NR2F1-AS1: variants seen among roughly 807,000 people sequenced by gnomAD.
NR2F1-AS1 encodes the protein NR2F1 regulatory antisense RNA 1, also known as NR2F1 antisense RNA 1.
upstream of NR2F1-AS1, chr5:93,583,259 T>C (rs1753156036): frequency 6.6e-6 from 1 of 150,486 alleles, no homozygotes; most frequent in Non-Finnish European, 1.5e-5. Flanking sequence ...TTTAAACGCA[T>C]TCAATTTTTG....
intron 4 of NR2F1-AS1, among the ~76,000 whole-genome samples, chr5:93,549,345 C>T (rs1463613739): frequency 6.6e-6 from 1 of 151,902 alleles, no homozygotes; most frequent in Non-Finnish European, 1.5e-5. Flanking sequence ...AGCAAGAAAA[C>T]AATTTTTAGC....
chr5:93,568,684 C>T (rs1752669967), intron 1 of NR2F1-AS1, among the ~76,000 whole-genome samples: 1 of 151,794 alleles, frequency 6.6e-6, no homozygotes, highest in Admixed American at 6.6e-5. Context: ...GTCTGAGGTC[C>T]GTGGCCATAT....
At chr5:93,424,207 T>C (rs1267038590) in intron 4 of NR2F1-AS1, among the ~76,000 whole-genome samples, 5 of 152,112 alleles carry the variant, frequency 3.3e-5, no homozygotes, top group African/African-American at 1.2e-4. Context: ...TACACACTGA[T>C]GACTTCAAAA....
At chr5:93,467,709 G>A (rs572432383) in intron 4 of NR2F1-AS1, among the ~76,000 whole-genome samples, 1 of 152,176 alleles carries the variant, frequency 6.6e-6, no homozygotes, top group South Asian at 2.1e-4. Context: ...TAAGTTCTAG[G>A]GTACATGTGT....
At chr5:93,463,055 A>G (rs772638246) in intron 4 of NR2F1-AS1, among the ~76,000 whole-genome samples, 1 of 152,194 alleles carries the variant, frequency 6.6e-6, no homozygotes, top group Admixed American at 6.5e-5. Flanking sequence ...TGCCAAGATA[A>G]TGGGGAAAAT....
chr5:93,553,807 G>A (rs1470183731), exon 4 of NR2F1-AS1: 4 of 152,128 alleles, frequency 2.6e-5, no homozygotes, highest in African/African-American at 9.7e-5. Context: ...GTTGACATAG[G>A]CTTCCTGATC....
At chr5:93,457,637 C>T (rs978146176) in intron 4 of NR2F1-AS1, among the ~76,000 whole-genome samples, 9 of 152,034 alleles carry the variant, frequency 5.9e-5, no homozygotes, top group Non-Finnish European at 1.2e-4. Flanking sequence ...CCTCGATGGT[C>T]GCTGTCTCTT....
In NR2F1-AS1 at chr5:93,452,157, A is replaced by G. The variant is rs141669127; in HGVS notation, n.639-56615T>C. Among the ~76,000 whole-genome samples the G allele has an allele frequency of 8.7e-3, 1,319 of 152,332 alleles. 33 individuals carry two copies. The highest frequency in any genetic ancestry group is 6.3e-3 in the Non-Finnish European group (427 of 68,038). ...AAATACTATAACTTTGTTAAAATTC[A>G]TATTTTTAGCAGAAGTACAAAAAAA... On this transcript the variant is annotated intron_variant and non_coding_transcript_variant, in intron 4 of 5. Coordinates refer to ENST00000660523, the Ensembl canonical transcript of NR2F1-AS1.
chr5:93,530,142 G>A lies in NR2F1-AS1; in HGVS notation n.638+23619C>T, dbSNP rs141606697. Among the ~76,000 whole-genome samples, 528 of 145,676 alleles carry A rather than the reference G, an allele frequency of 3.6e-3. 2 individuals are homozygous for A. The highest frequency in any genetic ancestry group is 0.015 in the South Asian group (66 of 4,542). On this transcript the variant is annotated intron_variant and non_coding_transcript_variant, in intron 4 of 5. Coordinates refer to ENST00000660523, the Ensembl canonical transcript of NR2F1-AS1. ...ATCGCCCAGGCTGGAGTGCAGTGGC[G>A]CAATCTCAACTCACCGCAACCTCCA...
chr5:93,499,414 G>C lies in NR2F1-AS1; in HGVS notation n.638+54347C>G, dbSNP rs576086531. ...CTTTGTGTCTCTGGGTCACAATTTG[G>C]TAATTCTCACAATATTTCCAACTTT... On this transcript the variant is annotated intron_variant and non_coding_transcript_variant, in intron 4 of 5. Coordinates refer to ENST00000660523, the Ensembl canonical transcript of NR2F1-AS1. Among the ~76,000 whole-genome samples, 12 of 152,190 alleles carry C rather than the reference G, an allele frequency of 7.9e-5. No individual in the cohort carries two copies. In the East Asian group the frequency reaches 1.9e-3, roughly 24 times the overall value.
chr5:93,492,487 T>C (rs997110633), intron 4 of NR2F1-AS1, among the ~76,000 whole-genome samples: 10 of 152,166 alleles, frequency 6.6e-5, no homozygotes, highest in African/African-American at 2.2e-4. Context: ...ATTAACACCA[T>C]TCCTTCTCAA....
At chr5:93,513,288 T>C (rs1215817418) in intron 4 of NR2F1-AS1, among the ~76,000 whole-genome samples, 1 of 152,164 alleles carries the variant, frequency 6.6e-6, no homozygotes, top group Non-Finnish European at 1.5e-5. Flanking sequence ...AGAATTACCA[T>C]TGAACCTAGC....
chr5:93,529,301 A>C (rs1026369845), intron 4 of NR2F1-AS1, among the ~76,000 whole-genome samples: 20 of 152,180 alleles, frequency 1.3e-4, no homozygotes, highest in African/African-American at 4.8e-4. Flanking sequence ...ACTGAGACTG[A>C]AAGGAGCCAA....
chr5:93,431,651 T>A (rs1749326865), intron 4 of NR2F1-AS1, among the ~76,000 whole-genome samples: 1 of 152,188 alleles, frequency 6.6e-6, no homozygotes, highest in Non-Finnish European at 1.5e-5. Context: ...GCATAGGTCT[T>A]TTGCAAATAG....
At chr5:93,451,122 C>G (rs918873265) in intron 4 of NR2F1-AS1, among the ~76,000 whole-genome samples, 2 of 151,924 alleles carry the variant, frequency 1.3e-5, no homozygotes, top group Non-Finnish European at 1.5e-5. Flanking sequence ...TTGAGATAAT[C>G]TAGTTAACAT....
intron 4 of NR2F1-AS1, among the ~76,000 whole-genome samples, chr5:93,533,397 C>T (rs1421576727): frequency 6.6e-6 from 1 of 152,102 alleles, no homozygotes; most frequent in East Asian, 1.9e-4. Context: ...TGTATGCACA[C>T]AATTTATCAG....
intron 4 of NR2F1-AS1, among the ~76,000 whole-genome samples, chr5:93,545,640 C>A (rs1752067155): frequency 6.6e-6 from 1 of 152,206 alleles, no homozygotes; most frequent in Non-Finnish European, 1.5e-5. Flanking sequence ...TTCTCTCACA[C>A]TTTTACTGCT....
intron 4 of NR2F1-AS1, among the ~76,000 whole-genome samples, chr5:93,459,221 AATTCAATATTTGAAAT>A (rs1297452274): frequency 5.5e-4 from 84 of 152,328 alleles, no homozygotes; most frequent in African/African-American, 1.6e-3. Context: ...TATTTCAGAT[AATTCAATATTTGAAAT>A]ATTCAATATT....
chr5:93,572,475 C>T (rs1294293181), intron 1 of NR2F1-AS1, among the ~76,000 whole-genome samples: 1 of 152,220 alleles, frequency 6.6e-6, no homozygotes, highest in Non-Finnish European at 1.5e-5. Context: ...GGCCGGGTCA[C>T]CTGTCAGCCG....
Sources: allele counts gnomAD v4.1 joint callset (sites outside exome capture counted in the v4.1 genomes callset), GRCh38; gene constraint gnomAD v4.1.1; transcripts MANE v1.5; gene names NCBI Gene and HGNC (gene_info 2026-07-23, HGNC 2026-07-21).